Variants in ITPK1 observed in about 807,000 individuals in gnomAD.
ITPK1 encodes the protein inositol 1,3,4-trisphosphate 5/6-kinase.
Under a neutral mutation model 45.3 loss-of-function variants are expected in ITPK1, and 21 were observed. The observed-to-expected ratio is 0.46, with a 90% CI of 0.33 to 0.67. ITPK1 has a LOEUF of 0.67. Among genes scored for constraint, ITPK1 ranks in the 30% least tolerant of loss-of-function variants. The probability of loss-of-function intolerance (pLI) is 0.02; values close to 1 mark genes in which losing one functional copy is unlikely to be tolerated. For synonymous variants in ITPK1, 258 were observed against 253.6 expected (o/e 1.02, Z -0.16); for missense variants, 474 against 573.5 (o/e 0.83, Z 1.77).
intron 3 of ITPK1, among the ~76,000 whole-genome samples, chr14:93,017,934 T>C (rs55881880): frequency 0.026 from 3,909 of 152,332 alleles, 178 homozygotes; most frequent in African/African-American, 0.09. Flanking sequence ...GGACGGAGAC[T>C]TTTAAAACCT....
intron 3 of ITPK1, among the ~76,000 whole-genome samples, chr14:93,027,510 T>A (rs756023013): frequency 2.0e-5 from 3 of 152,126 alleles, no homozygotes; most frequent in Admixed American, 6.5e-5. Context: ...CTCGCCTTCA[T>A]CCACACAGCT....
At chr14:93,007,783 T>C (rs1377030820) in intron 4 of ITPK1, among the ~76,000 whole-genome samples, 2 of 152,202 alleles carry the variant, frequency 1.3e-5, no homozygotes, top group Admixed American at 6.5e-5. Flanking sequence ...GCGGGCATGC[T>C]CAGAAGTGGG....
intron 5 of ITPK1, among the ~76,000 whole-genome samples, chr14:92,967,329 C>T (rs1221849336): frequency 6.6e-6 from 1 of 152,152 alleles, no homozygotes; most frequent in Non-Finnish European, 1.5e-5. Flanking sequence ...ACCTTATTAG[C>T]CATCGGGGAA....
At chr14:93,082,897 G>A (rs370192621) in intron 2 of ITPK1, among the ~76,000 whole-genome samples, 3 of 152,296 alleles carry the variant, frequency 2.0e-5, no homozygotes, top group South Asian at 2.1e-4. Context: ...CAAATTCCCC[G>A]GCCAGACCCG....
intron 4 of ITPK1, among the ~76,000 whole-genome samples, chr14:93,002,693 G>C (rs890884078): frequency 6.6e-6 from 1 of 152,126 alleles, no homozygotes; most frequent in African/African-American, 2.4e-5. Context: ...TCCAGTTTGC[G>C]ATTTCCTTTC....
chr14:93,089,349 C>T (rs999337279), intron 2 of ITPK1, among the ~76,000 whole-genome samples: 2 of 152,190 alleles, frequency 1.3e-5, no homozygotes, highest in Non-Finnish European at 2.9e-5. Context: ...CCTCTCCACA[C>T]GGTTGACAGT....
chr14:93,018,433 C>T (rs1430858156), intron 3 of ITPK1, among the ~76,000 whole-genome samples: 2 of 152,134 alleles, frequency 1.3e-5, no homozygotes, highest in African/African-American at 2.4e-5. Flanking sequence ...AACTCCTCTC[C>T]GTTGCACCCC....
intron 5 of ITPK1, among the ~76,000 whole-genome samples, chr14:92,963,742 G>A (rs767814181): frequency 6.6e-6 from 1 of 152,252 alleles, no homozygotes; most frequent in Non-Finnish European, 1.5e-5. Context: ...GGGGTAAACT[G>A]ATTTTTTGTG....
At chr14:92,999,801 C>T (rs139059460) in intron 4 of ITPK1, among the ~76,000 whole-genome samples, 36 of 152,344 alleles carry the variant, frequency 2.4e-4, no homozygotes, top group African/African-American at 8.7e-4. Flanking sequence ...ATGCAATTTA[C>T]CCCAAAGCAA....
intron 2 of ITPK1, among the ~76,000 whole-genome samples, chr14:93,112,374 A>G (rs1208775350): frequency 2.0e-5 from 3 of 152,004 alleles, no homozygotes; most frequent in Admixed American, 6.6e-5. Flanking sequence ...ACATTCAGCT[A>G]AACAACCCAC....
At chr14:93,030,410 G>A (rs772724807) in intron 3 of ITPK1, among the ~76,000 whole-genome samples, 3 of 152,218 alleles carry the variant, frequency 2.0e-5, no homozygotes, top group Non-Finnish European at 2.9e-5. Context: ...AAAGACAACA[G>A]GACTTGTTTT....
rs1890604668 is a variant in ITPK1, at chr14:93,063,164, G to A, written c.120+13431C>T. Among the ~76,000 whole-genome samples the A allele has an allele frequency of 1.3e-5, 2 of 152,086 alleles. No homozygotes were observed. The highest frequency in any genetic ancestry group is 4.8e-5 in the African/African-American group (2 of 41,416). On this transcript the variant is annotated intron_variant, in intron 3 of 10. Transcript: ENST00000267615. This position sits in a 1 kb window ranked among gnomAD's most constrained non-coding sequence, Gnocchi z 4.3. ...GGCATCCTTGCCCATCCCGGCTGCC[G>A]ATGATCCTGTCAAAACACTGTAAAT...
In ITPK1 at chr14:93,100,399, A is replaced by G. The variant is rs180798479; in HGVS notation, c.95+14670T>C. Reference sequence around the variant, plus strand: ...GTTAATGCGGATCAAATGAGATCACACACCTAAGGAACGCCACAGTGCCTG... The same window carrying G: ...GTTAATGCGGATCAAATGAGATCACGCACCTAAGGAACGCCACAGTGCCTG... On this transcript the variant is annotated intron_variant, in intron 2 of 10. Coordinates refer to ENST00000267615, the MANE Select transcript of ITPK1 (RefSeq NM_014216.6). Among the ~76,000 whole-genome samples, 96 of 152,280 alleles carry G rather than the reference A, an allele frequency of 6.3e-4. 1 individual carries two copies. The highest frequency in any genetic ancestry group is 2.1e-3 in the African/African-American group (86 of 41,552).
intron 4 of ITPK1, among the ~76,000 whole-genome samples, chr14:93,008,630 G>A (rs1215754229): frequency 5.3e-5 from 8 of 152,346 alleles, no homozygotes; most frequent in South Asian, 4.1e-4. Flanking sequence ...GAGGCCCAGC[G>A]CGTGGTTTAC....
Position 93,016,941 on chromosome 14 carries a change from G to A in ITPK1, c.121-140C>T. 9.1e-7 allele frequency: 1 copy of A among 1,095,838 alleles called. No homozygotes were observed. 67.9% of individuals were successfully genotyped at this position (1,095,838 alleles called of 1,614,324 possible). On this transcript the variant is annotated intron_variant, in intron 3 of 10. Coordinates refer to ENST00000267615, the MANE Select transcript of ITPK1 (RefSeq NM_014216.6). This position sits in a 1 kb window ranked among gnomAD's most constrained non-coding sequence, Gnocchi z 5.0. ...CACTCTGGAGATGGGGCAGGAGGAG[G>A]GCTGACATGGAAAATACAGACAGGA... is the stretch of plus-strand genomic sequence containing the variant.
chr14:93,010,820 C>T (rs1179810793), intron 4 of ITPK1, among the ~76,000 whole-genome samples: 2 of 152,150 alleles, frequency 1.3e-5, no homozygotes, highest in African/African-American at 4.8e-5. Flanking sequence ...CAGGCACTCA[C>T]AGTAAGCGTG....
chr14:92,978,054 G>A lies in ITPK1; in HGVS notation c.365-15205C>T, dbSNP rs111622206. ...TGGTTGTGACCAAAATGCTGATAGT[G>A]CTATGAACAGTGAAGTCCAGGCTGA... is the stretch of plus-strand genomic sequence containing the variant. On this transcript the variant is annotated intron_variant, in intron 5 of 10. Coordinates refer to ENST00000267615, the MANE Select transcript of ITPK1 (RefSeq NM_014216.6). Among the ~76,000 whole-genome samples the A allele has an allele frequency of 2.1e-3, 316 of 152,084 alleles. 7 individuals are homozygous for A. Among genetic ancestry groups the A allele is most frequent in the African/African-American group, 7.1e-3 (293 of 41,330 alleles).
chr14:93,000,198 G>A (rs978344098), intron 4 of ITPK1, among the ~76,000 whole-genome samples: 4 of 152,180 alleles, frequency 2.6e-5, no homozygotes. Context: ...GAGCAATGCC[G>A]CTGTGAACAT....
At chr14:93,066,320 A>ATG (rs755050138) in intron 3 of ITPK1, 13,231 of 419,536 alleles carry the variant, frequency 0.032, 280 homozygotes, top group African/African-American at 0.11. Flanking sequence ...GTGTGTGTGT[A>ATG]TGTGTGTGTG....
Sources: gnomAD v4.1 joint callset for allele counts (sites outside exome capture counted in the v4.1 genomes callset) on GRCh38, gnomAD v4.1.1 for gene constraint, Gnocchi (gnomAD v3.1) non-coding constraint, MANE v1.5 for transcripts, NCBI Gene and HGNC (gene_info 2026-07-23, HGNC 2026-07-21) for gene names.